The following NR2F1-AS1 variants were observed in gnomAD, a reference collection of about 807,000 sequenced individuals.
NR2F1-AS1 encodes the protein NR2F1 regulatory antisense RNA 1.
intron 4 of NR2F1-AS1, among the ~76,000 whole-genome samples, chr5:93,414,937 C>T (rs529724798): frequency 1.1e-4 from 17 of 152,154 alleles, no homozygotes; most frequent in African/African-American, 3.1e-4. Flanking sequence ...GGAGTACAAC[C>T]TCCAAGGAAT....
At chr5:93,537,168 A>G (rs1052970614) in intron 4 of NR2F1-AS1, among the ~76,000 whole-genome samples, 1 of 152,232 alleles carries the variant, frequency 6.6e-6, no homozygotes, top group Non-Finnish European at 1.5e-5. Context: ...AAAATGGATT[A>G]GACTTAACTA....
At chr5:93,481,480 C>T (rs1480129418) in intron 4 of NR2F1-AS1, among the ~76,000 whole-genome samples, 1 of 151,766 alleles carries the variant, frequency 6.6e-6, no homozygotes, top group Non-Finnish European at 1.5e-5. Flanking sequence ...CTTCAATAGC[C>T]CACTTTTAGT....
At chr5:93,449,196 T>C (rs1268909003) in intron 4 of NR2F1-AS1, among the ~76,000 whole-genome samples, 5 of 152,156 alleles carry the variant, frequency 3.3e-5, no homozygotes, top group South Asian at 2.1e-4. Flanking sequence ...AGTTTATATA[T>C]GACAAAGGCT....
chr5:93,564,771 T>C (rs187136430), intron 1 of NR2F1-AS1, among the ~76,000 whole-genome samples: 18 of 152,326 alleles, frequency 1.2e-4, no homozygotes, highest in African/African-American at 4.3e-4. Flanking sequence ...CATCCTATTT[T>C]CCTGGTATTT....
At chr5:93,503,283 CT>C (rs1264812198) in intron 4 of NR2F1-AS1, among the ~76,000 whole-genome samples, 1 of 151,892 alleles carries the variant, frequency 6.6e-6, no homozygotes, top group African/African-American at 2.4e-5. Flanking sequence ...ACCAAAAGAA[CT>C]GTAAAAAAAT....
At chr5:93,440,552 A>G (rs1332425497) in intron 4 of NR2F1-AS1, among the ~76,000 whole-genome samples, 1 of 152,128 alleles carries the variant, frequency 6.6e-6, no homozygotes, top group Non-Finnish European at 1.5e-5. Context: ...TGGTTCTCAG[A>G]CCTTCAGACT....
chr5:93,565,176 T>A (rs1053053322), intron 1 of NR2F1-AS1, among the ~76,000 whole-genome samples: 1 of 152,206 alleles, frequency 6.6e-6, no homozygotes, highest in Non-Finnish European at 1.5e-5. Context: ...GGCAAGTTAC[T>A]TAGCCTTTCT....
intron 4 of NR2F1-AS1, among the ~76,000 whole-genome samples, chr5:93,488,669 C>T (rs1363789925): frequency 6.6e-6 from 1 of 152,120 alleles, no homozygotes; most frequent in Non-Finnish European, 1.5e-5. Flanking sequence ...ATTAGTTCAA[C>T]CATTGTGGAG....
intron 4 of NR2F1-AS1, among the ~76,000 whole-genome samples, chr5:93,491,905 A>C (rs1275156006): frequency 6.6e-6 from 1 of 152,196 alleles, no homozygotes; most frequent in African/African-American, 2.4e-5. Flanking sequence ...TCCAGCATGC[A>C]GACAGTATAT....
chr5:93,416,075 T>C (rs931712438), intron 4 of NR2F1-AS1, among the ~76,000 whole-genome samples: 1 of 152,152 alleles, frequency 6.6e-6, no homozygotes, highest in African/African-American at 2.4e-5. Flanking sequence ...TAGATTATAG[T>C]CTCATGCAGG....
chr5:93,478,149 T>C (rs1292670363), intron 4 of NR2F1-AS1, among the ~76,000 whole-genome samples: 2 of 152,044 alleles, frequency 1.3e-5, no homozygotes, highest in Non-Finnish European at 2.9e-5. Flanking sequence ...CATGAAGCAA[T>C]TGTTCATGAC....
intron 4 of NR2F1-AS1, among the ~76,000 whole-genome samples, chr5:93,418,420 C>A (rs1204510395): frequency 6.6e-6 from 1 of 152,068 alleles, no homozygotes; most frequent in Admixed American, 6.6e-5. Context: ...AACCCCGCCT[C>A]TACTAAAAAT....
Position 93,579,918 on chromosome 5 carries a change from A to T in NR2F1-AS1, n.313+549T>A, listed in dbSNP as rs1467365775. ...GCTGACACTATCGCCCACATCAGAC[A>T]GGCAGCCATCGATCGCGTTACATTA... is the stretch of plus-strand genomic sequence containing the variant. On this transcript the variant is annotated intron_variant and non_coding_transcript_variant, in intron 1 of 5. Coordinates refer to ENST00000660523, the Ensembl canonical transcript of NR2F1-AS1. This position sits in a 1 kb window ranked among gnomAD's most constrained non-coding sequence, Gnocchi z 5.1. Among the ~76,000 whole-genome samples, 1 of 152,192 alleles carries T rather than the reference A, an allele frequency of 6.6e-6. No individual in the cohort carries two copies. Among genetic ancestry groups the T allele is most frequent in the Non-Finnish European group, 1.5e-5 (1 of 68,034 alleles).
chr5:93,460,341 G>A (rs1028453756), intron 4 of NR2F1-AS1, among the ~76,000 whole-genome samples: 1 of 152,126 alleles, frequency 6.6e-6, no homozygotes, highest in Non-Finnish European at 1.5e-5. Flanking sequence ...CACCGGGAAG[G>A]CTTAAACAAA....
chr5:93,564,234 T>C (rs1209668870), intron 1 of NR2F1-AS1, among the ~76,000 whole-genome samples: 1 of 147,754 alleles, frequency 6.8e-6, no homozygotes, highest in Non-Finnish European at 1.5e-5. Flanking sequence ...TGGTTACTAT[T>C]ATAAGTTCCC....
chr5:93,475,123 C>CAA (rs575698972), intron 4 of NR2F1-AS1, among the ~76,000 whole-genome samples: 30 of 65,058 alleles, frequency 4.6e-4, no homozygotes, highest in African/African-American at 9.0e-4. Flanking sequence ...GACTCCATCT[C>CAA]AAAAAAAAAA....
chr5:93,484,530 G>A (rs1750674391), intron 4 of NR2F1-AS1, among the ~76,000 whole-genome samples: 1 of 152,046 alleles, frequency 6.6e-6, no homozygotes, highest in Non-Finnish European at 1.5e-5. Context: ...ACACTATGAA[G>A]AAACTGCATC....
chr5:93,508,440 G>C (rs1751231705), intron 4 of NR2F1-AS1, among the ~76,000 whole-genome samples: 2 of 152,172 alleles, frequency 1.3e-5, no homozygotes, highest in South Asian at 4.1e-4. Context: ...AAAAAAATTA[G>C]ACCATCTCGC....
chr5:93,477,415 C>T (rs1274527550), intron 4 of NR2F1-AS1, among the ~76,000 whole-genome samples: 3 of 152,146 alleles, frequency 2.0e-5, no homozygotes, highest in African/African-American at 7.2e-5. Flanking sequence ...AAAGTTTTTA[C>T]ACTATCAAGA....
Sources: allele counts gnomAD v4.1 joint callset (sites outside exome capture counted in the v4.1 genomes callset), GRCh38; gene constraint gnomAD v4.1.1; non-coding constraint Gnocchi (gnomAD v3.1); transcripts MANE v1.5; gene names NCBI Gene and HGNC (gene_info 2026-07-23, HGNC 2026-07-21).